The following HLA-F variants were observed in gnomAD, a reference collection of about 807,000 sequenced individuals.
HLA-F encodes the protein HLA class I histocompatibility antigen, alpha chain F.
HLA-F carries 46 observed loss-of-function variants against 49.5 expected under a neutral mutation model. That is an observed-to-expected ratio of 0.93 (90% confidence interval 0.73 to 1.19). The LOEUF (loss-of-function observed/expected upper bound fraction) is 1.19, where lower values mean the gene tolerates loss of function less well. HLA-F is among the 50% of genes most tolerant of loss of function. The pLI is 0.00. For missense variants in HLA-F, 496 were observed against 579.6 expected, an observed-to-expected ratio of 0.86 and a Z score of 1.48; for synonymous variants, 203 against 233.5, an observed-to-expected ratio of 0.87 and a Z score of 1.19.
downstream of HLA-F, among the ~76,000 whole-genome samples, chr6:29,727,458 T>C (rs1339354786): frequency 6.6e-6 from 1 of 152,236 alleles, no homozygotes; most frequent in East Asian, 1.9e-4. Flanking sequence ...TCTTTTAGAA[T>C]GGCATTACCT....
chr6:29,731,322 G>A (rs527649338), downstream of HLA-F, among the ~76,000 whole-genome samples: 11 of 152,238 alleles, frequency 7.2e-5, no homozygotes, highest in South Asian at 2.1e-3. Flanking sequence ...ACATAGTTAT[G>A]GAGGCTGATA....
At chr6:29,735,819 C>A (rs757145688) in intron 3 of HLA-F, 2 of 152,058 alleles carry the variant, frequency 1.3e-5, no homozygotes, top group Non-Finnish European at 2.9e-5. Flanking sequence ...TCTCACAGAT[C>A]TTTAAAGTTC....
chr6:29,727,825 C>G (rs930458752), downstream of HLA-F: 17 of 419,492 alleles, frequency 4.1e-5, no homozygotes, highest in African/African-American at 1.6e-4. Flanking sequence ...AGCTTTAGTT[C>G]CCCATACCCT....
chr6:29,726,336 G>A, intron 6 of HLA-F: 1 of 1,519,344 alleles, frequency 6.6e-7, no homozygotes, highest in Non-Finnish European at 9.1e-7. Flanking sequence ...AGCATGAAAT[G>A]GGCTATTTAG....
At chr6:29,726,429 T>G in intron 6 of HLA-F, 1 of 1,611,562 alleles carries the variant, frequency 6.2e-7, no homozygotes, top group Non-Finnish European at 8.5e-7. Flanking sequence ...TGTGTGGGAC[T>G]GAGAAGCAAG....
Position 29,725,091 on chromosome 6 carries a change from G to A in HLA-F, c.671G>A (p.Cys224Tyr). The change falls in exon 4 of 7, where the codon TGC (cysteine) becomes TAC (tyrosine). Residue 224 changes from cysteine to tyrosine, a missense_variant. Transcript: ENST00000259951. ...PISDHEATLR[C>Y]WALGFYPAEI... is the part of the protein sequence containing the mutation. ...TCTGACCATGAGGCCACCCTGAGGT[G>A]CTGGGCCCTGGGCTTCTACCCTGCG... 2 of 1,613,480 alleles carry A rather than the reference G, an allele frequency of 1.2e-6. No individual in the cohort carries two copies. The highest frequency in any genetic ancestry group is 1.7e-6 in the Non-Finnish European group (2 of 1,179,820).
chr6:29,728,789 G>A (rs1776332903), downstream of HLA-F: 1 of 152,220 alleles, frequency 6.6e-6, no homozygotes, highest in Admixed American at 6.5e-5. Flanking sequence ...CCTGCAGTTA[G>A]AGAGAAGGGA....
intron 3 of HLA-F, among the ~76,000 whole-genome samples, chr6:29,734,768 A>G (rs1776914411): frequency 6.6e-6 from 1 of 152,182 alleles, no homozygotes; most frequent in African/African-American, 2.4e-5. Context: ...CTCTAGTTCC[A>G]GAGTATTTCA....
chr6:29,727,846 G>A (rs148119935), downstream of HLA-F: 163 of 444,166 alleles, frequency 3.7e-4, 1 homozygote, highest in African/African-American at 3.0e-3. Flanking sequence ...GAGGTTCTGA[G>A]CTCCAGACCT....
chr6:29,725,375 T>C (rs1007720553), intron 4 of HLA-F, 69 bp downstream of exon 4: 2 of 1,608,894 alleles, frequency 1.2e-6, no homozygotes, highest in Non-Finnish European at 1.7e-6. Flanking sequence ...CAGGAGCCCT[T>C]CTGGAGCTCT....
Position 29,723,860 on chromosome 6 carries a change from G to A in HLA-F, c.267G>A (p.Lys89=), listed in dbSNP as rs1775657248. Residue 89 remains lysine, a synonymous_variant, in exon 2 of 7, where the codon AAG becomes AAA. Transcript: ENST00000259951. ...QYWEWTTGYA[K]ANAQTDRVAL... ...GGGAGTGGACCACAGGGTACGCCAA[G>A]GCCAACGCACAGACTGACCGAGTGG... 6.3e-7 allele frequency: 1 copy of A among 1,599,014 alleles called. No homozygotes were observed. Among genetic ancestry groups the A allele is most frequent in the South Asian group, 1.1e-5 (1 of 89,158 alleles).
chr6:29,727,653 A>G (rs1776234951), downstream of HLA-F, among the ~76,000 whole-genome samples: 2 of 152,210 alleles, frequency 1.3e-5, no homozygotes, highest in Admixed American at 6.5e-5. Flanking sequence ...TCATCACATC[A>G]GGAGGCACAC....
At position 29,733,768 on chromosome 6, in the gene HLA-F, C is replaced by A. The variant is rs115258751; in HGVS notation, c.404-4354C>A. 4.0e-3 allele frequency among the ~76,000 whole-genome samples: 614 copies of A among 152,366 alleles called. 6 individuals carry two copies. The highest frequency in any genetic ancestry group is 0.013 in the African/African-American group (535 of 41,580). On this transcript the variant is annotated intron_variant, in intron 3 of 4. Transcript: ENST00000465459. Reference sequence around the variant, plus strand: ...AAAATATTCTTCCTCCACTCCATGACTCATCCTTTGGTTACAGCGTTTAGC... The same window carrying A: ...AAAATATTCTTCCTCCACTCCATGAATCATCCTTTGGTTACAGCGTTTAGC...
chr6:29,724,123 G>C (rs751049741), intron 2 of HLA-F, 50 bp from the exon 3 acceptor site: 2 of 1,603,880 alleles, frequency 1.2e-6, no homozygotes, highest in Admixed American at 3.4e-5. Context: ...CGGGTTGGGC[G>C]GGGAGGGGGC....
downstream of HLA-F, among the ~76,000 whole-genome samples, chr6:29,731,255 A>G (rs1173886957): frequency 1.3e-5 from 2 of 152,016 alleles, no homozygotes; most frequent in African/African-American, 4.8e-5. Context: ...ATAGATAGAT[A>G]GATAGATAGA....
downstream of HLA-F, among the ~76,000 whole-genome samples, chr6:29,731,442 G>T (rs1465519285): frequency 6.6e-6 from 1 of 150,520 alleles, no homozygotes; most frequent in Non-Finnish European, 1.5e-5. Flanking sequence ...AGGATAAAGG[G>T]TTGACTGGTG....
chr6:29,724,229 C>T lies in HLA-F; in HGVS notation c.391C>T (p.Leu131Phe), dbSNP rs1470946491. The T allele has an allele frequency of 1.2e-6, 2 of 1,613,224 alleles. No homozygotes were observed. Among genetic ancestry groups the T allele is most frequent in the East Asian group, 4.5e-5 (2 of 44,888 alleles). ...CGACATGGGGCCCGACGGACGCCTC[C>T]TCCGCGGGTATCACCAGCACGCGTA... is the stretch of plus-strand genomic sequence containing the variant. ...GCDMGPDGRL[L>F]RGYHQHAYDG... The change falls in exon 3 of 7, where the codon CTC becomes TTC. Residue 131 changes from leucine to phenylalanine, a missense_variant. Leu to Phe is a conservative substitution (Grantham distance 22). Transcript: ENST00000259951.
chr6:29,725,612 G>C, intron 5 of HLA-F, 49 bp downstream of exon 5: 6 of 1,465,848 alleles, frequency 4.1e-6, no homozygotes, highest in Non-Finnish European at 5.7e-6. Flanking sequence ...CCCACTGGGG[G>C]TTGCAAGCCC....
Position 29,723,817 on chromosome 6 carries a change from A to T in HLA-F, c.224A>T (p.Gln75Leu). The change falls in exon 2 of 7, where the codon CAA (glutamine) becomes CTA (leucine). Residue 75 changes from glutamine (Q) to leucine (L), a missense_variant. Gln to Leu is a moderately radical substitution (Grantham distance 113). Transcript: ENST00000259951. ...RMEPREPWVEQEGPQYWEWTT... is the reference protein window; with the variant it reads ...RMEPREPWVELEGPQYWEWTT... ...GAGCCGCGGGAGCCGTGGGTGGAGC[A>T]AGAGGGGCCGCAGTATTGGGAGTGG... 1 of 1,604,366 alleles carries T rather than the reference A, an allele frequency of 6.2e-7. No individual in the cohort carries two copies. Among genetic ancestry groups the T allele is most frequent in the Non-Finnish European group, 8.5e-7 (1 of 1,175,856 alleles).
Sources: allele counts gnomAD v4.1 joint callset (sites outside exome capture counted in the v4.1 genomes callset), GRCh38; gene constraint gnomAD v4.1.1; transcripts MANE v1.5; gene names NCBI Gene and HGNC (gene_info 2026-07-23, HGNC 2026-07-21).